The following ZNF462 variants were observed in gnomAD, a reference collection of about 807,000 sequenced individuals.
ZNF462 encodes the protein zinc finger PBX1-interacting protein.
In ZNF462, 10 loss-of-function variants were observed where a neutral mutation model predicts 201.9. The observed-to-expected ratio is 0.05, with a 90% CI of 0.03 to 0.08. The LOEUF (loss-of-function observed/expected upper bound fraction) is 0.08, where lower values mean the gene tolerates loss of function less well. Among genes scored for constraint, ZNF462 ranks in the 10% least tolerant of loss-of-function variants. The pLI is 1.00. For missense variants in ZNF462, 2,523 were observed against 3,168.3 expected (o/e 0.80, Z 4.89); for synonymous variants, 1,227 against 1,193.3 (o/e 1.03, Z -0.58).
In ZNF462 at chr9:106,924,897, A is replaced by T; in HGVS notation, c.985A>T (p.Met329Leu). The change falls in exon 3 of 13, where the codon ATG becomes TTG. Residue 329 changes from methionine to leucine, a missense_variant. Coordinates refer to ENST00000277225, the MANE Select transcript of ZNF462 (RefSeq NM_021224.6). This position sits in a 1 kb window ranked among gnomAD's most constrained non-coding sequence, Gnocchi z 6.2. Reference sequence around the variant, plus strand: ...CAGGGGCTCCATGGGCAACTCCATCATGAGACCCAATTCTTCAGCTTCCAA... The same window carrying T: ...CAGGGGCTCCATGGGCAACTCCATCTTGAGACCCAATTCTTCAGCTTCCAA... ...NFRGSMGNSI[M>L]RPNSSASKFS... The T allele has an allele frequency of 6.2e-7, 1 of 1,614,186 alleles. No homozygotes were observed. The highest frequency in any genetic ancestry group is 2.2e-5 in the East Asian group (1 of 44,884).
Position 106,927,328 on chromosome 9 carries a change from A to C in ZNF462, c.3416A>C (p.Glu1139Ala). The C allele has an allele frequency of 6.2e-7, 1 of 1,613,954 alleles. No homozygotes were observed. The highest frequency in any genetic ancestry group is 1.1e-5 in the South Asian group (1 of 91,058). Residue 1139 changes from glutamate (E) to alanine (A), a missense_variant, in exon 3 of 13, where the codon GAA (glutamate) becomes GCA (alanine). Physicochemically the swap from Glu to Ala is moderately radical, Grantham distance 107 (BLOSUM62 -1). This residue lies in a region of ZNF462 where 5 missense variants were observed against 21.8 expected (regional missense o/e 0.23). Coordinates refer to ENST00000277225, the MANE Select transcript of ZNF462 (RefSeq NM_021224.6). ...VLVHYQKRHP[E>A]IKVTAKYIRQ... ...GTCCACTACCAGAAAAGACACCCAG[A>C]AATAAAGGTTACTGCCAAATATATC...
rs765703786 is a variant in ZNF462 at position 106,927,854 on chromosome 9, C to T, written c.3942C>T (p.Cys1314=). The stretch of plus-strand genomic sequence containing the variant: ...GCTTGATAGAAGCTGGCTACCACTG[C>T]GAGTGGTGCATCTACTCCCATACGG... ...LDGLIEAGYH[C]EWCIYSHTEP... is the part of the protein sequence containing the mutation. The change falls in exon 3 of 13, where the codon TGC becomes TGT. Residue 1314 remains cysteine (C), a synonymous_variant. Transcript: ENST00000277225. The T allele has an allele frequency of 3.7e-6, 6 of 1,614,176 alleles. No individual in the cohort carries two copies. The highest frequency in any genetic ancestry group is 2.7e-5 in the African/African-American group (2 of 75,032).
intron 7 of ZNF462, among the ~76,000 whole-genome samples, chr9:106,939,406 G>A (rs1011842352): frequency 6.6e-6 from 1 of 152,144 alleles, no homozygotes; most frequent in Admixed American, 6.5e-5. Flanking sequence ...GTGGTTTCAA[G>A]CAAGAAAGCG....
chr9:106,995,088 A>T (rs902613220), intron 10 of ZNF462, among the ~76,000 whole-genome samples: 1 of 152,034 alleles, frequency 6.6e-6, no homozygotes, highest in African/African-American at 2.4e-5. Flanking sequence ...GGTCCAGGAG[A>T]TTGACAGCTG....
chr9:106,973,425 C>G (rs1382892959), intron 8 of ZNF462, among the ~76,000 whole-genome samples: 1 of 152,144 alleles, frequency 6.6e-6, no homozygotes, highest in Non-Finnish European at 1.5e-5. Context: ...CAGATAAATA[C>G]ATTTGTGATT....
chr9:106,948,889 G>T (rs981553095), intron 7 of ZNF462, among the ~76,000 whole-genome samples: 32 of 151,618 alleles, frequency 2.1e-4, no homozygotes, highest in African/African-American at 7.7e-4. Context: ...ATTTAAGGTG[G>T]GATTCTCAGA....
At chr9:106,931,848 C>A (rs1293635177) in intron 4 of ZNF462, among the ~76,000 whole-genome samples, 1 of 152,216 alleles carries the variant, frequency 6.6e-6, no homozygotes, top group East Asian at 1.9e-4. Context: ...GCCCAAGGCT[C>A]CTCAATGACC....
chr9:106,906,079 C>T (rs1829259566), intron 1 of ZNF462, among the ~76,000 whole-genome samples: 1 of 152,218 alleles, frequency 6.6e-6, no homozygotes, highest in African/African-American at 2.4e-5. Flanking sequence ...CCTGCTGCTT[C>T]CTCTACCCCT....
At position 106,930,713 on chromosome 9, in the gene ZNF462, A is replaced by G; in HGVS notation, c.6012+24A>G. The G allele has an allele frequency of 6.2e-7, 1 of 1,613,018 alleles. No individual in the cohort carries two copies. The highest frequency in any genetic ancestry group is 8.5e-7 in the Non-Finnish European group (1 of 1,179,512). ...AGGTGAGAACTGGAAGGTCTGGATGAGCATTGTGTGTGAGCGATTCGAGTT... is the reference window on the plus strand; with the variant it reads ...AGGTGAGAACTGGAAGGTCTGGATGGGCATTGTGTGTGAGCGATTCGAGTT... On this transcript the variant is annotated intron_variant, in intron 4 of 12. Transcript: ENST00000277225. This position sits in a 1 kb window ranked among gnomAD's most constrained non-coding sequence, Gnocchi z 5.8.
At chr9:106,861,145 A>G (rs548185837), upstream of ZNF462, among the ~76,000 whole-genome samples, 1 of 151,586 alleles carries the variant, frequency 6.6e-6, no homozygotes, top group Non-Finnish European at 1.5e-5. Context: ...CGAGCTTTTC[A>G]ATGTGAGTGG....
chr9:106,926,021 T>G lies in ZNF462; in HGVS notation c.2109T>G (p.Leu703=), dbSNP rs1830179731. 6.2e-7 allele frequency: 1 copy of G among 1,614,106 alleles called. No individual in the cohort carries two copies. Among genetic ancestry groups the G allele is most frequent in the Non-Finnish European group, 8.5e-7 (1 of 1,180,036 alleles). ...GGATTGACGAGATAGCAAGCAACCT[T>G]CAGAGCAAAATTAACCAAACCAAAC... ...RTRIDEIASN[L]QSKINQTKQQ... is the part of the protein sequence containing the mutation. Residue 703 remains leucine, a synonymous_variant, in exon 3 of 13, where the codon CTT becomes CTG. Coordinates refer to ENST00000277225, the MANE Select transcript of ZNF462 (RefSeq NM_021224.6). This position sits in a 1 kb window ranked among gnomAD's most constrained non-coding sequence, Gnocchi z 7.9.
Position 106,954,565 on chromosome 9 carries a change from C to G in ZNF462, c.6427+15458C>G, listed in dbSNP as rs2131820225. 1.3e-5 allele frequency among the ~76,000 whole-genome samples: 2 copies of G among 151,946 alleles called. No individual in the cohort carries two copies. Among genetic ancestry groups the G allele is most frequent in the South Asian group, 4.2e-4 (2 of 4,816 alleles). ...TCTCCATGTTTATACCCAGCCTTTT[C>G]TCTTTCCATCAGCTGCCTCATTCTC... On this transcript the variant is annotated intron_variant, in intron 7 of 12. Coordinates refer to ENST00000277225, the MANE Select transcript of ZNF462 (RefSeq NM_021224.6). This position sits in a 1 kb window ranked among gnomAD's most constrained non-coding sequence, Gnocchi z 4.0.
rs770940701 is a variant in ZNF462, at chr9:106,928,206, A to G, written c.4294A>G (p.Ser1432Gly). The G allele has an allele frequency of 1.2e-6, 2 of 1,614,090 alleles. No homozygotes were observed. Among genetic ancestry groups the G allele is most frequent in the Non-Finnish European group, 1.7e-6 (2 of 1,180,014 alleles). ...ELAGPVNCENSIPTPFPEQEA... is the reference protein window; with the variant it reads ...ELAGPVNCENGIPTPFPEQEA... ...GGCAGGCCCTGTGAATTGTGAAAAC[A>G]GTATACCCACCCCTTTCCCGGAGCA... is the stretch of plus-strand genomic sequence containing the variant. The change falls in exon 3 of 13, where the codon AGT becomes GGT. Residue 1432 changes from serine to glycine, a missense_variant. By Grantham distance (56) the Ser-to-Gly change is moderately conservative. Coordinates refer to ENST00000277225, the MANE Select transcript of ZNF462 (RefSeq NM_021224.6). The surrounding 1 kb of genome is among the most constrained non-coding windows in gnomAD (Gnocchi z 9.3).
rs1232890057 is a variant in ZNF462 at position 107,011,819 on chromosome 9, G to T, written c.*789G>T. 1 of 152,042 alleles carries T rather than the reference G, an allele frequency of 6.6e-6. No individual in the cohort carries two copies. The allele number at this position is 152,042 out of a possible 1,614,324, so 9.4% of individuals were successfully genotyped here. ...ATTATTAGATAACTGTTTGTGAATT[G>T]TCATCCTTTATTCCAGGTAAGCTGT... On this transcript the variant is annotated 3_prime_UTR_variant, in exon 13 of 13. Transcript: ENST00000277225. This position sits in a 1 kb window ranked among gnomAD's most constrained non-coding sequence, Gnocchi z 5.6.
At position 107,008,695 on chromosome 9, in the gene ZNF462, C is replaced by T. The variant is rs1474945215; in HGVS notation, c.7190-850C>T. ...TCTTATCTTTGAGTTTGCCAGGAGA[C>T]GTGGCCTGAAAACAGTTAAACAGCC... On this transcript the variant is annotated intron_variant, in intron 11 of 12. Transcript: ENST00000277225. This position sits in a 1 kb window ranked among gnomAD's most constrained non-coding sequence, Gnocchi z 4.8. 5.3e-5 allele frequency among the ~76,000 whole-genome samples: 8 copies of T among 152,122 alleles called. No individual in the cohort carries two copies. Among genetic ancestry groups the T allele is most frequent in the African/African-American group, 7.2e-5 (3 of 41,422 alleles).
At chr9:106,985,497 C>T (rs1019464857) in intron 10 of ZNF462, among the ~76,000 whole-genome samples, 12 of 152,128 alleles carry the variant, frequency 7.9e-5, no homozygotes, top group Non-Finnish European at 1.0e-4. Flanking sequence ...ATCTCATGAA[C>T]TGAGATGATC....
chr9:107,003,470 T>C lies in ZNF462; in HGVS notation c.7189+44T>C, dbSNP rs372621735. ...TCCCAATCCCAGATGGCATCTGGCATGTCCGTAGTGAGACAGAAGGGAGGC... is the reference window on the plus strand; with the variant it reads ...TCCCAATCCCAGATGGCATCTGGCACGTCCGTAGTGAGACAGAAGGGAGGC... On this transcript the variant is annotated intron_variant, in intron 11 of 12. Transcript: ENST00000277225. This position sits in a 1 kb window ranked among gnomAD's most constrained non-coding sequence, Gnocchi z 4.4. The C allele has an allele frequency of 2.0e-5, 32 of 1,603,724 alleles. No individual in the cohort carries two copies. In the African/African-American group the frequency reaches 3.9e-4, roughly 19 times the overall value.
At chr9:106,888,336 C>G (rs773756149) in intron 1 of ZNF462, among the ~76,000 whole-genome samples, 1 of 152,274 alleles carries the variant, frequency 6.6e-6, no homozygotes, top group South Asian at 2.1e-4. Flanking sequence ...CCACCGCGCC[C>G]GGCCAAATGT....
At chr9:106,944,949 A>G (rs868030200) in intron 7 of ZNF462, among the ~76,000 whole-genome samples, 1 of 152,196 alleles carries the variant, frequency 6.6e-6, no homozygotes, top group Non-Finnish European at 1.5e-5. Context: ...CATAGACAAT[A>G]TGTAAACAAA....
Sources: allele counts gnomAD v4.1 joint callset (sites outside exome capture counted in the v4.1 genomes callset), GRCh38; gene constraint gnomAD v4.1.1; regional missense constraint gnomAD v4.1.1; non-coding constraint Gnocchi (gnomAD v3.1); transcripts MANE v1.5; gene names NCBI Gene and HGNC (gene_info 2026-07-23, HGNC 2026-07-21).